C9: variants seen among roughly 807,000 people sequenced by gnomAD.
C9 encodes the protein complement component C9.
A neutral mutation model predicts 65.4 loss-of-function variants in C9; 63 were observed. The observed-to-expected ratio is 0.96, with a 90% CI of 0.79 to 1.19. C9 has a LOEUF of 1.19. Ranked by LOEUF, C9 falls within the 50% of genes most tolerant of loss-of-function variation. C9 has a pLI of 0.00. For missense variants in C9, 744 were observed against 670.1 expected, an observed-to-expected ratio of 1.11 and a Z score of -1.22; for synonymous variants, 229 against 227.9, an observed-to-expected ratio of 1.00 and a Z score of -0.04.
At chr5:39,289,817 G>T (rs1296932433) in intron 9 of C9, among the ~76,000 whole-genome samples, 1 of 151,832 alleles carries the variant, frequency 6.6e-6, no homozygotes, top group Non-Finnish European at 1.5e-5. Flanking sequence ...CCATTTCCCA[G>T]ATGGAAGTGT....
At chr5:39,317,116 CAT>C (rs1344962082) in intron 5 of C9, among the ~76,000 whole-genome samples, 4 of 152,142 alleles carry the variant, frequency 2.6e-5, no homozygotes, top group South Asian at 4.2e-4. Flanking sequence ...AGCTTTTTTT[CAT>C]ATGTTTGTTG....
intron 1 of C9, among the ~76,000 whole-genome samples, chr5:39,348,525 G>A (rs1754252653): frequency 6.6e-6 from 1 of 152,158 alleles, no homozygotes; most frequent in Non-Finnish European, 1.5e-5. Flanking sequence ...GAAACAACTG[G>A]TGCTGGAGAG....
At chr5:39,324,781 A>T (rs548897460) in intron 5 of C9, among the ~76,000 whole-genome samples, 27 of 152,314 alleles carry the variant, frequency 1.8e-4, no homozygotes, top group Admixed American at 2.6e-4. Flanking sequence ...TGGACGAGAG[A>T]CCAAGGGGCA....
At chr5:39,309,750 C>T (rs1197242936) in intron 7 of C9, among the ~76,000 whole-genome samples, 2 of 152,122 alleles carry the variant, frequency 1.3e-5, no homozygotes, top group African/African-American at 2.4e-5. Flanking sequence ...AGCACTTCCT[C>T]TTCAAAGTCA....
chr5:39,343,821 T>G (rs551799827), intron 1 of C9, among the ~76,000 whole-genome samples: 154 of 152,178 alleles, frequency 1.0e-3, no homozygotes, highest in African/African-American at 3.0e-3. Context: ...CCCTCTGATA[T>G]GAAGCTTCCA....
intron 1 of C9, among the ~76,000 whole-genome samples, chr5:39,349,806 C>A (rs963373994): frequency 6.6e-6 from 1 of 152,102 alleles, no homozygotes; most frequent in African/African-American, 2.4e-5. Flanking sequence ...TCTTTCATTT[C>A]TTTTTTCTTC....
At chr5:39,355,962 C>G (rs553139114) in intron 1 of C9, among the ~76,000 whole-genome samples, 14 of 152,124 alleles carry the variant, frequency 9.2e-5, no homozygotes, top group Non-Finnish European at 1.9e-4. Flanking sequence ...AAGGCCTTAA[C>G]TGAATATACA....
intron 1 of C9, among the ~76,000 whole-genome samples, chr5:39,359,005 A>G (rs1335186468): frequency 3.6e-5 from 2 of 54,896 alleles, no homozygotes; most frequent in Non-Finnish European, 6.7e-5. Flanking sequence ...ATAAATAAAT[A>G]AATAAATAAA....
Position 39,341,312 on chromosome 5 carries a change from G to C in C9, c.329-19C>G, listed in dbSNP as rs773083135. 7.4e-6 allele frequency: 12 copies of C among 1,613,272 alleles called. No individual in the cohort carries two copies. The highest frequency in any genetic ancestry group is 1.0e-5 in the Non-Finnish European group (12 of 1,179,324). ...CATCTGCCTGCAATCAAAATCAGGA[G>C]AGACTCAATGTATCTAATGTCAAAT... On this transcript the variant is annotated intron_variant, in intron 3 of 10. Transcript: ENST00000263408.
intron 1 of C9, among the ~76,000 whole-genome samples, chr5:39,347,416 T>C (rs377730334): frequency 2.0e-5 from 3 of 152,096 alleles, no homozygotes; most frequent in African/African-American, 7.2e-5. Context: ...TGAACTCCCA[T>C]TCACAATTGC....
intron 9 of C9, among the ~76,000 whole-genome samples, chr5:39,303,507 A>G (rs1240685560): frequency 6.7e-6 from 1 of 148,936 alleles, no homozygotes; most frequent in Non-Finnish European, 1.5e-5. Flanking sequence ...TTTATAAACT[A>G]TATTATTTTA....
intron 9 of C9, among the ~76,000 whole-genome samples, chr5:39,297,099 C>A (rs1210152923): frequency 6.6e-6 from 1 of 151,450 alleles, no homozygotes; most frequent in Non-Finnish European, 1.5e-5. Context: ...TGTAGGATTA[C>A]TATAGTTAAT....
At chr5:39,346,493 G>A (rs187808957) in intron 1 of C9, among the ~76,000 whole-genome samples, 1 of 152,118 alleles carries the variant, frequency 6.6e-6, no homozygotes, top group Non-Finnish European at 1.5e-5. Flanking sequence ...TCCCTGAATA[G>A]ACCAATAACA....
intron 9 of C9, among the ~76,000 whole-genome samples, chr5:39,304,010 T>G (rs886086545): frequency 1.3e-5 from 2 of 152,196 alleles, no homozygotes; most frequent in African/African-American, 4.8e-5. Context: ...TTAAAATGTG[T>G]GAATAGCTTA....
At chr5:39,326,409 G>T (rs1390843985) in intron 5 of C9, among the ~76,000 whole-genome samples, 1 of 152,104 alleles carries the variant, frequency 6.6e-6, no homozygotes, top group East Asian at 1.9e-4. Flanking sequence ...ACCCAGATTA[G>T]CCTTTTGTCA....
chr5:39,311,923 T>G (rs1753491613), intron 6 of C9, among the ~76,000 whole-genome samples: 1 of 152,068 alleles, frequency 6.6e-6, no homozygotes, highest in African/African-American at 2.4e-5. Context: ...GTAAAAGAAG[T>G]CAGACATAGA....
chr5:39,292,887 A>G (rs1015456665), intron 9 of C9, among the ~76,000 whole-genome samples: 2 of 95,394 alleles, frequency 2.1e-5, no homozygotes, highest in Non-Finnish European at 5.7e-5. Flanking sequence ...ATTTTTTAAA[A>G]GAGACATGAG....
chr5:39,351,606 G>T (rs931141911), intron 1 of C9, among the ~76,000 whole-genome samples: 27 of 152,148 alleles, frequency 1.8e-4, no homozygotes, highest in African/African-American at 6.0e-4. Flanking sequence ...CAAGTCCAAA[G>T]TTCCACAGAT....
intron 9 of C9, among the ~76,000 whole-genome samples, chr5:39,304,318 GT>G (rs1753337344): frequency 6.6e-6 from 1 of 152,084 alleles, no homozygotes; most frequent in Non-Finnish European, 1.5e-5. Context: ...CCAGTTTATA[GT>G]TTAGGGTGGG....
Sources: allele counts gnomAD v4.1 joint callset (sites outside exome capture counted in the v4.1 genomes callset), GRCh38; gene constraint gnomAD v4.1.1; transcripts MANE v1.5; gene names NCBI Gene and HGNC (gene_info 2026-07-23, HGNC 2026-07-21).